Variants in ACTR8 observed in about 807,000 individuals in gnomAD.
ACTR8 encodes actin-related protein 8.
In ACTR8, 70 loss-of-function variants were observed where a neutral mutation model predicts 84.3. The ratio of observed to expected loss-of-function variants is 0.83; its 90% CI spans 0.68 to 1.01. ACTR8 has a LOEUF of 1.01. Among genes scored for constraint, ACTR8 ranks in the 50% least tolerant of loss-of-function variants. The pLI, the probability that ACTR8 is intolerant of heterozygous loss-of-function variation, is 0.00. For synonymous variants in ACTR8, 268 were observed against 275.2 expected, an observed-to-expected ratio of 0.97 and a Z score of 0.26; for missense variants, 672 against 775.4, an observed-to-expected ratio of 0.87 and a Z score of 1.58.
In ACTR8 at chr3:53,868,735, G is replaced by A; in HGVS notation, c.1859C>T (p.Ala620Val). The A allele has an allele frequency of 6.2e-7, 1 of 1,614,090 alleles. No individual in the cohort carries two copies. The highest frequency in any genetic ancestry group is 1.1e-5 in the South Asian group (1 of 91,060). Reference sequence around the variant, plus strand: ...CCTCCCCATTCACCACACAAACGCAGCCCGCTCTCGTAACATGCGGACACC... The same window carrying A: ...CCTCCCCATTCACCACACAAACGCAACCCGCTCTCGTAACATGCGGACACC... ...RFGVRMLRERAAFVW is the reference protein window; with the variant it reads ...RFGVRMLRERVAFVW Residue 620 changes from alanine (A) to valine (V), a missense_variant, in exon 13 of 13, where the codon GCT becomes GTT. Transcript: ENST00000335754.
At position 53,873,729 on chromosome 3, in the gene ACTR8, G is replaced by A. The variant is rs538987900; in HGVS notation, c.1065+482C>T. ...GCCTAAGACACACCCTCACTGCTCGGACTTTAGCAAAAAACTCTCACTCCT... is the reference window on the plus strand; with the variant it reads ...GCCTAAGACACACCCTCACTGCTCGAACTTTAGCAAAAAACTCTCACTCCT... On this transcript the variant is annotated intron_variant, in intron 8 of 12. Transcript: ENST00000335754. Among the ~76,000 whole-genome samples, 37 of 152,266 alleles carry A rather than the reference G, an allele frequency of 2.4e-4. No homozygotes were observed. In the South Asian group the frequency reaches 7.0e-3, roughly 29 times the overall value.
In ACTR8 at chr3:53,882,087, C is replaced by A. The variant is rs1700075248; in HGVS notation, c.15G>T (p.Glu5Asp). 6.4e-7 allele frequency: 1 copy of A among 1,551,510 alleles called. No individual in the cohort carries two copies. The highest frequency in any genetic ancestry group is 2.0e-5 in the Admixed American group (1 of 50,992). ...CCTTTCCGTTCTCCGTATCACCCTTCTCAGCCTGGGTCATTATGGCCGGAG... is the reference window on the plus strand; with the variant it reads ...CCTTTCCGTTCTCCGTATCACCCTTATCAGCCTGGGTCATTATGGCCGGAG... MTQA[E>D]KGDTENGKEK... Residue 5 changes from glutamate (E) to aspartate (D), a missense_variant, in exon 1 of 13, where the codon GAG becomes GAT. Glu to Asp is a conservative substitution (Grantham distance 45, BLOSUM62 2). Coordinates refer to ENST00000335754, the MANE Select transcript of ACTR8 (RefSeq NM_022899.5).
rs1559791658 is a variant in ACTR8, at chr3:53,871,425, C to A, written c.1374G>T (p.Gln458His). ...PIGFEGDLRG[Q>H]SSDLPERLHS... Reference sequence around the variant, plus strand: ...GGAGTCTTTCTGGAAGATCAGAGGACTGGCCACGAAGATCCCCTTCAAATC... The same window carrying A: ...GGAGTCTTTCTGGAAGATCAGAGGAATGGCCACGAAGATCCCCTTCAAATC... Residue 458 changes from glutamine (Q) to histidine (H), a missense_variant, in exon 11 of 13, where the codon CAG becomes CAT. Coordinates refer to ENST00000335754, the MANE Select transcript of ACTR8 (RefSeq NM_022899.5). The A allele has an allele frequency of 1.2e-6, 2 of 1,614,210 alleles. No individual in the cohort carries two copies. Among genetic ancestry groups the A allele is most frequent in the Non-Finnish European group, 1.7e-6 (2 of 1,180,036 alleles).
chr3:53,861,723 A>T, the ACTR8 span: 1 of 152,224 alleles, frequency 6.6e-6, no homozygotes, highest in Non-Finnish European at 1.5e-5. Flanking sequence ...TAACAGGAGA[A>T]GCAGCTTCTG....
intron 7 of ACTR8, among the ~76,000 whole-genome samples, chr3:53,875,675 T>C (rs1248196979): frequency 1.3e-5 from 2 of 152,230 alleles, no homozygotes; most frequent in African/African-American, 4.8e-5. Flanking sequence ...ACTGTTTACG[T>C]TTCCCCTATG....
At chr3:53,881,941 AG>A in intron 1 of ACTR8, 37 bp downstream of exon 1, 1 of 1,553,582 alleles carries the variant, frequency 6.4e-7, no homozygotes, top group African/African-American at 1.4e-5. Context: ...GGAGGACCCA[AG>A]CAAGGGCAAA....
chr3:53,870,269 C>T lies in ACTR8; in HGVS notation c.1568-124G>A. The T allele has an allele frequency of 8.9e-7, 1 of 1,122,652 alleles. No individual in the cohort carries two copies. The highest frequency in any genetic ancestry group is 1.5e-5 in the South Asian group (1 of 66,676). The allele number at this position is 1,122,652 out of a possible 1,614,324, so 69.5% of individuals were successfully genotyped here. ...CTCAAAGATTTCCCTCCAGCCCACC[C>T]TCCACACTGCAGCCAGGGGAACCCT... On this transcript the variant is annotated intron_variant, in intron 11 of 12. Coordinates refer to ENST00000335754, the MANE Select transcript of ACTR8 (RefSeq NM_022899.5). The surrounding 1 kb of genome is among the most constrained non-coding windows in gnomAD (Gnocchi z 4.1).
downstream of ACTR8, chr3:53,864,910 A>G (rs1330734436): frequency 1.9e-6 from 3 of 1,614,108 alleles, no homozygotes; most frequent in Admixed American, 1.7e-5. Flanking sequence ...GTGGCAGAAA[A>G]AGAAAATAGC....
intron 5 of ACTR8, among the ~76,000 whole-genome samples, 188 bp downstream of exon 5, chr3:53,877,026 G>T (rs1356713401): frequency 6.6e-6 from 1 of 151,542 alleles, no homozygotes; most frequent in African/African-American, 2.4e-5. Context: ...AAGAAACAGA[G>T]AAAGAAAAAA....
chr3:53,861,545 G>T, the ACTR8 span: 1 of 152,158 alleles, frequency 6.6e-6, no homozygotes, highest in African/African-American at 2.4e-5. Context: ...CAGGATTGCT[G>T]TAAGAAAGGC....
At chr3:53,877,491 T>C in intron 4 of ACTR8, 104 bp from the exon 5 acceptor site, 3 of 1,361,372 alleles carry the variant, frequency 2.2e-6, no homozygotes, top group Non-Finnish European at 3.0e-6. Context: ...ATGTGAGAAA[T>C]GTTGAGAGTG....
At position 53,877,688 on chromosome 3, in the gene ACTR8, T is replaced by C. The variant is rs150103066; in HGVS notation, c.469A>G (p.Thr157Ala). ...TACTCAGGGTGATGAGATGTGTTTG[T>C]CCACTTATTTCCCGAACAGTGATCT... Reference protein sequence around the residue: ...ILDHCSGNKWTNTSHHPEYLV... With the variant: ...ILDHCSGNKWANTSHHPEYLV... The change falls in exon 4 of 13, where the codon ACA (threonine) becomes GCA (alanine). Residue 157 changes from threonine to alanine, a missense_variant. Physicochemically the swap from Thr to Ala is moderately conservative, Grantham distance 58. Transcript: ENST00000335754. 100 of 1,614,040 alleles carry C rather than the reference T, an allele frequency of 6.2e-5. No individual in the cohort carries two copies. The highest frequency in any genetic ancestry group is 8.1e-5 in the Non-Finnish European group (95 of 1,180,006).
intron 7 of ACTR8, 115 bp downstream of exon 7, chr3:53,875,833 G>C (rs1348725686): frequency 6.8e-7 from 1 of 1,464,206 alleles, no homozygotes; most frequent in Non-Finnish European, 9.3e-7. Context: ...TTACCATGCA[G>C]ACTTTTGAAT....
rs1486037168 is a variant in ACTR8 at position 53,882,140 on chromosome 3, T to C, written c.-39A>G. The C allele has an allele frequency of 7.8e-6, 12 of 1,547,560 alleles. No individual in the cohort carries two copies. The highest frequency in any genetic ancestry group is 4.1e-5 in the African/African-American group (3 of 72,914). On this transcript the variant is annotated 5_prime_UTR_variant, in exon 1 of 13. Coordinates refer to ENST00000335754, the MANE Select transcript of ACTR8 (RefSeq NM_022899.5). ...ACCCACCAACCTCTCGCCTCAGCGC[T>C]GCAGCCACGACTGCCGGGATGGAAG...
At chr3:53,871,133 G>T in intron 11 of ACTR8, 99 bp downstream of exon 11, 1 of 1,464,630 alleles carries the variant, frequency 6.8e-7, no homozygotes, top group Non-Finnish European at 9.2e-7. Context: ...ACTTTTCAAT[G>T]AATATGTTAT....
At chr3:53,866,300 C>A (rs1559787972), downstream of ACTR8, among the ~76,000 whole-genome samples, 1 of 152,270 alleles carries the variant, frequency 6.6e-6, no homozygotes, top group East Asian at 1.9e-4. Flanking sequence ...GGGAGGATCA[C>A]TTGAGCCCTG....
intron 6 of ACTR8, 109 bp downstream of exon 6, chr3:53,876,511 T>G (rs1699970984): frequency 1.4e-6 from 1 of 713,256 alleles, no homozygotes; most frequent in Non-Finnish European, 2.3e-6. Flanking sequence ...AGAGAGAGAC[T>G]CTGTCTCAAA....
At chr3:53,865,730 C>T (rs1017852293), downstream of ACTR8, 4 of 155,534 alleles carry the variant, frequency 2.6e-5, no homozygotes, top group African/African-American at 4.8e-5. Flanking sequence ...GAAAAACCTT[C>T]TATTACATGC....
chr3:53,881,831 C>G (rs147102012), intron 1 of ACTR8, 148 bp downstream of exon 1: 50,699 of 1,345,940 alleles, frequency 0.038, 1,177 homozygotes, highest in Non-Finnish European at 0.044. Flanking sequence ...GCGCCACCAC[C>G]CGGAAAAGAA....
Sources: gnomAD v4.1 joint callset for allele counts (sites outside exome capture counted in the v4.1 genomes callset) on GRCh38, gnomAD v4.1.1 for gene constraint, Gnocchi (gnomAD v3.1) non-coding constraint, MANE v1.5 for transcripts, NCBI Gene and HGNC (gene_info 2026-07-23, HGNC 2026-07-21) for gene names.